SPDEF: variants seen among roughly 807,000 people sequenced by gnomAD.
The protein encoded by SPDEF is SAM pointed domain-containing Ets transcription factor.
In SPDEF, 12 loss-of-function variants were observed where a neutral mutation model predicts 36.0. That is an observed-to-expected ratio of 0.33 (90% CI 0.21 to 0.54). The LOEUF is 0.54. Ranked by LOEUF, SPDEF falls within the 20% of genes least tolerant of loss-of-function variation. SPDEF has a pLI of 0.93. For missense variants in SPDEF, 388 were observed against 456.9 expected, an observed-to-expected ratio of 0.85 and a Z score of 1.37; for synonymous variants, 205 against 193.0, an observed-to-expected ratio of 1.06 and a Z score of -0.51.
chr6:34,545,992 C>T (rs753619777), intron 1 of SPDEF, among the ~76,000 whole-genome samples: 5 of 152,072 alleles, frequency 3.3e-5, no homozygotes, highest in Non-Finnish European at 7.3e-5. Context: ...CAGATATACG[C>T]TCCTAATAAT....
chr6:34,544,572 G>C lies in SPDEF; in HGVS notation c.-29-88C>G, dbSNP rs369807477. ...TGGTTATGGGGATGAGGGGCCCTGT[G>C]GACAGTGGGCTGGGCCTGGGACAGA... is the stretch of plus-strand genomic sequence containing the variant. On this transcript the variant is annotated intron_variant, in intron 1 of 5. Transcript: ENST00000374037. The surrounding 1 kb of genome is among the most constrained non-coding windows in gnomAD (Gnocchi z 4.4). The C allele has an allele frequency of 7.1e-6, 8 of 1,121,122 alleles. No individual in the cohort carries two copies. The highest frequency in any genetic ancestry group is 3.1e-5 in the Admixed American group (1 of 32,692). 69.4% of individuals were successfully genotyped at this position (1,121,122 alleles called of 1,614,324 possible). A position where few individuals can be genotyped will look rare whatever the true frequency, so the allele number is the denominator to read the frequency against.
At chr6:34,546,335 C>A (rs1312610714) in intron 1 of SPDEF, among the ~76,000 whole-genome samples, 1 of 152,192 alleles carries the variant, frequency 6.6e-6, no homozygotes, top group East Asian at 1.9e-4. Context: ...CTGAAATCCT[C>A]TCTAACAGTG....
chr6:34,551,898 C>G (rs1768069535), intron 1 of SPDEF, among the ~76,000 whole-genome samples: 1 of 152,180 alleles, frequency 6.6e-6, no homozygotes, highest in Non-Finnish European at 1.5e-5. Flanking sequence ...GGGACAGAAC[C>G]CAGTTTCCCA....
rs1467124831 is a variant in SPDEF at position 34,555,266 on chromosome 6, G to A, written c.-30+663C>T. Among the ~76,000 whole-genome samples, 2 of 151,978 alleles carry A rather than the reference G, an allele frequency of 1.3e-5. No homozygotes were observed. The highest frequency in any genetic ancestry group is 1.5e-5 in the Non-Finnish European group (1 of 67,994). ...GCAAATCTTAGAAATGAGCACCTTC[G>A]AGGTACTGCTACTGTTGCTTTCCTT... On this transcript the variant is annotated intron_variant, in intron 1 of 5. Transcript: ENST00000374037. This position sits in a 1 kb window ranked among gnomAD's most constrained non-coding sequence, Gnocchi z 5.2.
intron 1 of SPDEF, among the ~76,000 whole-genome samples, chr6:34,546,942 A>C (rs951324436): frequency 6.7e-6 from 1 of 149,738 alleles, no homozygotes; most frequent in African/African-American, 2.5e-5. Context: ...CCTGGGCCCC[A>C]CCCTGCCTGG....
chr6:34,537,851 C>G lies in SPDEF; in HGVS notation c.*423G>C, dbSNP rs527824000. ...CCATTCCCGGGGGCACTCCTGGCTGCCCAACTCAGGGGTGCAGATGTCTCC... is the reference window on the plus strand; with the variant it reads ...CCATTCCCGGGGGCACTCCTGGCTGGCCAACTCAGGGGTGCAGATGTCTCC... On this transcript the variant is annotated 3_prime_UTR_variant, in exon 6 of 6. Transcript: ENST00000374037. The G allele has an allele frequency of 1.2e-3, 196 of 167,168 alleles. No individual in the cohort carries two copies. Among genetic ancestry groups the G allele is most frequent in the African/African-American group, 4.2e-3 (178 of 42,186 alleles). The allele number at this position is 167,168 out of a possible 1,614,324, so 10.4% of individuals were successfully genotyped here.
Position 34,539,208 on chromosome 6 carries a change from A to G in SPDEF, c.829+42T>C, listed in dbSNP as rs777100780. 40 of 1,607,350 alleles carry G rather than the reference A, an allele frequency of 2.5e-5. No homozygotes were observed. The highest frequency in any genetic ancestry group is 3.3e-5 in the South Asian group (3 of 90,250). On this transcript the variant is annotated intron_variant, in intron 5 of 5. Transcript: ENST00000374037. This position sits in a 1 kb window ranked among gnomAD's most constrained non-coding sequence, Gnocchi z 5.2. ...CCTGGCAGAAGCCCCCACAACCTCC[A>G]TGCTCACTGGCCCTGCAGCGCCCCT...
chr6:34,544,299 G>C lies in SPDEF; in HGVS notation c.157C>G (p.Gln53Glu). Residue 53 changes from glutamine to glutamate, a missense_variant, in exon 2 of 6, where the codon CAG becomes GAG. By Grantham distance (29) the Gln-to-Glu change is conservative. Coordinates refer to ENST00000374037, the MANE Select transcript of SPDEF (RefSeq NM_012391.3). The surrounding 1 kb of genome is among the most constrained non-coding windows in gnomAD (Gnocchi z 4.4). ...GAGAGGTAGAAGGCGGACAGGCCCT[G>C]CTCGGGCGTGGCGGGTGGACTGGGA... ...WSPSPPATPE[Q>E]GLSAFYLSYF... 2 of 1,612,828 alleles carry C rather than the reference G, an allele frequency of 1.2e-6. No individual in the cohort carries two copies. Among genetic ancestry groups the C allele is most frequent in the Non-Finnish European group, 1.7e-6 (2 of 1,179,894 alleles).
At chr6:34,542,719 G>A (rs778995265) in intron 2 of SPDEF, among the ~76,000 whole-genome samples, 2 of 151,736 alleles carry the variant, frequency 1.3e-5, no homozygotes, top group Non-Finnish European at 2.9e-5. Context: ...TGAAAACTCC[G>A]TCTCTACTAA....
chr6:34,546,429 G>A lies in SPDEF; in HGVS notation c.-29-1945C>T, dbSNP rs897437661. On this transcript the variant is annotated intron_variant, in intron 1 of 5. Coordinates refer to ENST00000374037, the MANE Select transcript of SPDEF (RefSeq NM_012391.3). Reference sequence around the variant, plus strand: ...CAGTTACCCTGTGAGACTGACCCGCGCAGCCTCCGTATGCAGCTGGCATTT... The same window carrying A: ...CAGTTACCCTGTGAGACTGACCCGCACAGCCTCCGTATGCAGCTGGCATTT... 1.1e-4 allele frequency among the ~76,000 whole-genome samples: 17 copies of A among 152,186 alleles called. No homozygotes were observed. In the East Asian group the frequency reaches 1.9e-3, roughly 17 times the overall value.
chr6:34,554,497 G>A (rs1357143422), intron 1 of SPDEF, among the ~76,000 whole-genome samples: 2 of 152,222 alleles, frequency 1.3e-5, no homozygotes, highest in Non-Finnish European at 2.9e-5. Context: ...ATACCCCCAC[G>A]GGGCCTCACT....
At chr6:34,542,131 A>C (rs1226053528) in intron 2 of SPDEF, among the ~76,000 whole-genome samples, 5 of 152,162 alleles carry the variant, frequency 3.3e-5, no homozygotes, top group Non-Finnish European at 7.3e-5. Flanking sequence ...GGGCATTGGG[A>C]AACTTGGGGC....
chr6:34,546,004 C>T (rs1166721222), intron 1 of SPDEF, among the ~76,000 whole-genome samples: 1 of 152,088 alleles, frequency 6.6e-6, no homozygotes, highest in Non-Finnish European at 1.5e-5. Flanking sequence ...CCTAATAATA[C>T]AGAGAACCAG....
rs562280021 is a variant in SPDEF, at chr6:34,542,754, GT to G, written c.436+1265del. ...AAAATATAAAAATTAGCAGGGTGTG[GT>G]GGCAGACACCTGTAATCCCAGCTTC... is the stretch of plus-strand genomic sequence containing the variant. On this transcript the variant is annotated intron_variant, in intron 2 of 5. Coordinates refer to ENST00000374037, the MANE Select transcript of SPDEF (RefSeq NM_012391.3). Among the ~76,000 whole-genome samples the G allele has an allele frequency of 7.2e-5, 11 of 152,110 alleles. No individual in the cohort carries two copies. In the South Asian group the frequency reaches 2.1e-3, roughly 29 times the overall value.
chr6:34,556,163 T>C lies in SPDEF; in HGVS notation c.-264A>G. ...CTCAGGGCTGCGTGCCTGTAGGGAG[T>C]CCCCTACCCCCAGCCCAGGGCTGCC... On this transcript the variant is annotated 5_prime_UTR_variant, in exon 1 of 6. Transcript: ENST00000374037. 6.6e-6 allele frequency: 1 copy of C among 151,744 alleles called. No homozygotes were observed. Among genetic ancestry groups the C allele is most frequent in the Non-Finnish European group, 1.5e-5 (1 of 67,924 alleles). The allele number at this position is 151,744 out of a possible 1,614,324, so 9.4% of individuals were successfully genotyped here.
At chr6:34,542,169 C>T (rs1028184115) in intron 2 of SPDEF, among the ~76,000 whole-genome samples, 5 of 152,160 alleles carry the variant, frequency 3.3e-5, no homozygotes, top group Non-Finnish European at 7.3e-5. Context: ...CAAATGAGGA[C>T]GTCAACGGGG....
chr6:34,543,661 G>A (rs532748027), intron 2 of SPDEF, among the ~76,000 whole-genome samples: 1 of 152,328 alleles, frequency 6.6e-6, no homozygotes, highest in South Asian at 2.1e-4. Context: ...CTAGGCTGAA[G>A]AAGCAGCAGC....
Position 34,552,819 on chromosome 6 carries a change from G to C in SPDEF, c.-30+3110C>G, listed in dbSNP as rs1768090833. On this transcript the variant is annotated intron_variant, in intron 1 of 5. Transcript: ENST00000374037. This position sits in a 1 kb window ranked among gnomAD's most constrained non-coding sequence, Gnocchi z 4.6. ...GATGGGTGGGAGTGGGTTATTAAGG[G>C]GTTATCAGGACCGGTTCCCACCTGT... 2.0e-5 allele frequency among the ~76,000 whole-genome samples: 3 copies of C among 152,162 alleles called. No individual in the cohort carries two copies. Among genetic ancestry groups the C allele is most frequent in the Non-Finnish European group, 4.4e-5 (3 of 68,022 alleles).
rs1185931986 is a variant in SPDEF, at chr6:34,544,000, G to A, written c.436+20C>T. ...GCCTGTGACCCATCTTACGGAAGCA[G>A]GCACATGGAGAGGGCTCACCTGCGG... is the stretch of plus-strand genomic sequence containing the variant. On this transcript the variant is annotated intron_variant, in intron 2 of 5. Coordinates refer to ENST00000374037, the MANE Select transcript of SPDEF (RefSeq NM_012391.3). 1.3e-6 allele frequency: 2 copies of A among 1,597,600 alleles called. No individual in the cohort carries two copies. Among genetic ancestry groups the A allele is most frequent in the Non-Finnish European group, 1.7e-6 (2 of 1,175,184 alleles).
Sources: gnomAD v4.1 joint callset for allele counts (sites outside exome capture counted in the v4.1 genomes callset) on GRCh38, gnomAD v4.1.1 for gene constraint, Gnocchi (gnomAD v3.1) non-coding constraint, MANE v1.5 for transcripts, NCBI Gene and HGNC (gene_info 2026-07-23, HGNC 2026-07-21) for gene names.